Variants in CYTIP observed in about 807,000 individuals in gnomAD.
CYTIP encodes cytohesin-interacting protein.
Under a neutral mutation model 43.8 loss-of-function variants are expected in CYTIP, and 26 were observed. That is an observed-to-expected ratio of 0.59 (90% CI 0.44 to 0.82). The LOEUF (loss-of-function observed/expected upper bound fraction) is 0.82. CYTIP is among the 40% of genes least tolerant of loss of function. The probability of loss-of-function intolerance (pLI) is 0.00; values close to 1 mark genes in which losing one functional copy is unlikely to be tolerated. For synonymous variants in CYTIP, 162 were observed against 162.9 expected, an observed-to-expected ratio of 0.99 and a Z score of 0.04; for missense variants, 426 against 443.1, an observed-to-expected ratio of 0.96 and a Z score of 0.35.
chr2:157,420,253 C>T (rs567862950), intron 6 of CYTIP, among the ~76,000 whole-genome samples: 3 of 152,174 alleles, frequency 2.0e-5, no homozygotes, highest in East Asian at 1.9e-4. Flanking sequence ...CAGTGGCTCA[C>T]GCCTGTAATC....
intron 1 of CYTIP, among the ~76,000 whole-genome samples, chr2:157,441,042 T>C (rs953197813): frequency 5.9e-5 from 9 of 151,802 alleles, no homozygotes; most frequent in African/African-American, 2.2e-4. Flanking sequence ...CACAGAGAAA[T>C]CTATCTTTAA....
intron 5 of CYTIP, among the ~76,000 whole-genome samples, chr2:157,428,731 AG>A (rs1397985635): frequency 1.3e-5 from 2 of 152,204 alleles, no homozygotes; most frequent in Non-Finnish European, 2.9e-5. Context: ...CTTTGGATCC[AG>A]GGTTCTCTAG....
At position 157,416,028 on chromosome 2, in the gene CYTIP, C is replaced by G. The variant is rs955122502; in HGVS notation, c.729G>C (p.Glu243Asp). ...AGCTCAGCCAGCTCTTACAGCTGCT[C>G]TCACTGGATAATCGATTCCGGTCCA... ...ALVDRNRLSS[E>D]SSCKSWLSSM... The change falls in exon 8 of 8, where the codon GAG becomes GAC. Residue 243 changes from glutamate (E) to aspartate (D), a missense_variant. Transcript: ENST00000264192. 1.2e-6 allele frequency: 2 copies of G among 1,614,116 alleles called. No homozygotes were observed. The highest frequency in any genetic ancestry group is 1.7e-6 in the Non-Finnish European group (2 of 1,180,048).
intron 6 of CYTIP, among the ~76,000 whole-genome samples, chr2:157,422,286 A>G (rs1397652183): frequency 1.3e-5 from 2 of 152,212 alleles, no homozygotes; most frequent in Non-Finnish European, 2.9e-5. Context: ...TAGGCAATCT[A>G]AACCTCCAAA....
chr2:157,436,840 C>T (rs1167431590), intron 1 of CYTIP, among the ~76,000 whole-genome samples: 3 of 152,072 alleles, frequency 2.0e-5, no homozygotes, highest in African/African-American at 2.4e-5. Flanking sequence ...TAAATATTCA[C>T]GTTCAGGAGA....
chr2:157,425,444 T>G (rs886077637), intron 6 of CYTIP, among the ~76,000 whole-genome samples: 3 of 152,118 alleles, frequency 2.0e-5, no homozygotes, highest in Non-Finnish European at 4.4e-5. Context: ...TTAAAAAAAT[T>G]GATACAAATC....
chr2:157,442,115 CTCTGGAATACCCTTCAATA>C (rs1323838777), intron 1 of CYTIP, among the ~76,000 whole-genome samples: 1 of 152,206 alleles, frequency 6.6e-6, no homozygotes, highest in Non-Finnish European at 1.5e-5. Flanking sequence ...TTCTCCCTTG[CTCTGGAATACCCTTCAATA>C]TCTGGAATAC....
Position 157,430,638 on chromosome 2 carries a change from T to G in CYTIP, c.397A>C (p.Asn133His), listed in dbSNP as rs150721802. Residue 133 changes from asparagine to histidine, a missense_variant, in exon 5 of 8, where the codon AAT (asparagine) becomes CAT (histidine). Transcript: ENST00000264192. ...AGLQAGDVLA[N>H]INGVSTEGFT... Reference sequence around the variant, plus strand: ...CCTTCTGTGCTCACACCATTGATATTTGCAAGGACATCACCTGGGAGATGC... The same window carrying G: ...CCTTCTGTGCTCACACCATTGATATGTGCAAGGACATCACCTGGGAGATGC... 70 of 1,614,138 alleles carry G rather than the reference T, an allele frequency of 4.3e-5. No individual in the cohort carries two copies. Among genetic ancestry groups the G allele is most frequent in the African/African-American group, 3.2e-4 (24 of 75,018 alleles).
In CYTIP at chr2:157,430,961, G is replaced by C. The variant is rs1405832477; in HGVS notation, c.281C>G (p.Ser94Cys). 1.9e-6 allele frequency: 3 copies of C among 1,603,078 alleles called. No homozygotes were observed. The highest frequency in any genetic ancestry group is 1.3e-5 in the African/African-American group (1 of 74,114). The change falls in exon 4 of 8, where the codon TCT becomes TGT. Residue 94 changes from serine to cysteine, a missense_variant and splice_region_variant. By Grantham distance (112) the Ser-to-Cys change is moderately radical (BLOSUM62 -1). Coordinates refer to ENST00000264192, the MANE Select transcript of CYTIP (RefSeq NM_004288.5). Reference protein sequence around the residue: ...DNETFGFEIQSYRPQNQNACS... With the variant: ...DNETFGFEIQCYRPQNQNACS... ...GGCATTCTGATTCTGGGGCCTGTAA[G>C]ACTGTAAAAATTAAGATGATATATA... is the stretch of plus-strand genomic sequence containing the variant.
At chr2:157,438,298 T>C (rs1685845721) in intron 1 of CYTIP, among the ~76,000 whole-genome samples, 1 of 152,168 alleles carries the variant, frequency 6.6e-6, no homozygotes, top group African/African-American at 2.4e-5. Context: ...CCACATGTTC[T>C]CACTCATATG....
rs1558935956 is a variant in CYTIP at position 157,415,987 on chromosome 2, CT to C, written c.769del (p.Ser257ValfsTer38). 1 of 1,614,248 alleles carries C rather than the reference CT, an allele frequency of 6.2e-7. No homozygotes were observed. Among genetic ancestry groups the C allele is most frequent in the Non-Finnish European group, 8.5e-7 (1 of 1,180,048 alleles). ...KSWLSSMTMDSEDGYQTCVSE... is the reference protein window; with the variant it reads ...KSWLSSMTMDXEDGYQTCVSE... The stretch of plus-strand genomic sequence containing the variant: ...CACACACGTCTGGTAGCCATCTTCA[CT>C]GTCCATCGTCATGGAGCTCAGCCAG... On this transcript the variant is annotated frameshift_variant, in exon 8 of 8. Coordinates refer to ENST00000264192, the MANE Select transcript of CYTIP (RefSeq NM_004288.5). LOFTEE classifies it high-confidence loss of function.
intron 3 of CYTIP, among the ~76,000 whole-genome samples, chr2:157,433,201 C>G (rs1050501103): frequency 6.6e-6 from 1 of 152,156 alleles, no homozygotes; most frequent in African/African-American, 2.4e-5. Flanking sequence ...AGTGTCTCTA[C>G]AACAGAATAG....
chr2:157,417,878 AGT>A (rs1249014620), intron 7 of CYTIP, among the ~76,000 whole-genome samples: 2 of 152,200 alleles, frequency 1.3e-5, no homozygotes, highest in Non-Finnish European at 1.5e-5. Flanking sequence ...ACACCCACGT[AGT>A]GGTTTCAGTG....
At chr2:157,434,781 G>C in intron 1 of CYTIP, 34 bp from the exon 2 acceptor site, 1 of 1,478,916 alleles carries the variant, frequency 6.8e-7, no homozygotes, top group Non-Finnish European at 9.2e-7. Flanking sequence ...GTTATCCCAG[G>C]GTCTTCAAGA....
rs923200817 is a variant in CYTIP, at chr2:157,442,068, G to T, written c.174+1779C>A. Among the ~76,000 whole-genome samples the T allele has an allele frequency of 3.3e-5, 5 of 152,090 alleles. No individual in the cohort carries two copies. In the East Asian group the frequency reaches 5.8e-4, roughly 18 times the overall value. On this transcript the variant is annotated intron_variant, in intron 1 of 7. Transcript: ENST00000264192. ...TAATATTGTGTTGTTACACAAAAAA[G>T]TCCTCCAGGCACCAGGATCTATGCC...
At chr2:157,422,915 TA>T (rs1477798457) in intron 6 of CYTIP, among the ~76,000 whole-genome samples, 1 of 152,072 alleles carries the variant, frequency 6.6e-6, no homozygotes, top group African/African-American at 2.4e-5. Flanking sequence ...GAGATGTTAC[TA>T]AAGAATTCAG....
At chr2:157,439,812 T>C (rs78998509) in intron 1 of CYTIP, among the ~76,000 whole-genome samples, 2,790 of 152,344 alleles carry the variant, frequency 0.018, 72 homozygotes, top group African/African-American at 0.064. Context: ...CACTCTTCTG[T>C]TTTTAGTCAG....
At chr2:157,430,533 C>A (rs376116326) in intron 5 of CYTIP, 26 bp downstream of exon 5, 19 of 1,595,712 alleles carry the variant, frequency 1.2e-5, no homozygotes, top group Non-Finnish European at 1.6e-5. Context: ...ATTTTGAAGC[C>A]CCACGGGAAC....
rs771879995 is a variant in CYTIP at position 157,430,866 on chromosome 2, G to T, written c.376C>A (p.Gln126Lys). The T allele has an allele frequency of 2.5e-6, 4 of 1,599,838 alleles. No individual in the cohort carries two copies. The Admixed American group carries it at 7.2e-5, about 29-fold the overall frequency. Residue 126 changes from glutamine to lysine, a missense_variant, in exon 4 of 8, where the codon CAA becomes AAA. Gln to Lys is a moderately conservative substitution (Grantham distance 53). Transcript: ENST00000264192. ...GAGCAAAAATTTAAGTTACCAGCTT[G>T]CAGGCCAGCACAGTGAGCTGGGCTG... ...EDSPAHCAGL[Q>K]AGDVLANING...
Sources: gnomAD v4.1 joint callset for allele counts (sites outside exome capture counted in the v4.1 genomes callset) on GRCh38, gnomAD v4.1.1 for gene constraint, MANE v1.5 for transcripts, NCBI Gene and HGNC (gene_info 2026-07-23, HGNC 2026-07-21) for gene names.